Variants in RC3H1 observed in about 807,000 individuals in gnomAD.
RC3H1 encodes the protein ring finger and CCCH-type domains 1.
RC3H1 carries 50 observed loss-of-function variants against 138.2 expected under a neutral mutation model. The ratio of observed to expected loss-of-function variants is 0.36; its 90% confidence interval spans 0.29 to 0.46. The LOEUF is 0.46. Ranked by LOEUF, RC3H1 falls within the 20% of genes least tolerant of loss-of-function variation. The probability of loss-of-function intolerance (pLI) is 1.00; values close to 1 mark genes in which losing one functional copy is unlikely to be tolerated. For missense variants in RC3H1, 1,031 were observed against 1,388.1 expected, an observed-to-expected ratio of 0.74 and a Z score of 4.09; for synonymous variants, 462 against 489.1, an observed-to-expected ratio of 0.94 and a Z score of 0.73.
chr1:173,947,240 T>G (rs1254203438), intron 15 of RC3H1, 129 bp downstream of exon 15: 2 of 667,248 alleles, frequency 3.0e-6, no homozygotes, highest in Non-Finnish European at 5.2e-6. Context: ...CAGGGATGAT[T>G]CCATGGAAAG....
Position 173,943,597 on chromosome 1 carries a change from C to T in RC3H1, c.2980G>A (p.Val994Met), listed in dbSNP as rs1659004192. 6.2e-7 allele frequency: 1 copy of T among 1,613,150 alleles called. No individual in the cohort carries two copies. Among genetic ancestry groups the T allele is most frequent in the South Asian group, 1.1e-5 (1 of 90,892 alleles). ...AGGGTGTTTGCCTCCCTCTGCAACA[C>T]CAGCCTGTTACTAACAGCCTAGTGC... ...RGLEAVSNRL[V>M]LQREANTLAG... Residue 994 changes from valine to methionine, a missense_variant, in exon 18 of 20, where the codon GTG (valine) becomes ATG (methionine). Val to Met is a conservative substitution (Grantham distance 21, BLOSUM62 1). Coordinates refer to ENST00000367696, the MANE Select transcript of RC3H1 (RefSeq NM_172071.4).
chr1:173,956,816 T>A (rs1449296529), intron 13 of RC3H1, among the ~76,000 whole-genome samples: 6 of 152,138 alleles, frequency 3.9e-5, no homozygotes, highest in Non-Finnish European at 8.8e-5. Context: ...AATAAATGGT[T>A]ATAGAAAATG....
At chr1:173,993,634 C>T (rs1488606466) in intron 1 of RC3H1, among the ~76,000 whole-genome samples, 1 of 151,948 alleles carries the variant, frequency 6.6e-6, no homozygotes, top group Admixed American at 6.5e-5. Flanking sequence ...CTCAGATGAT[C>T]CTCCCGCCTT....
At position 173,957,401 on chromosome 1, in the gene RC3H1, C is replaced by T. The variant is rs1266809647; in HGVS notation, c.2370+3676G>A. On this transcript the variant is annotated intron_variant, in intron 13 of 19. Transcript: ENST00000367696. ...TCACACAGTGAAGGACACAACTGAA[C>T]CTCAAAGTTTAGAATGTTTGATACC... 2.6e-5 allele frequency among the ~76,000 whole-genome samples: 4 copies of T among 152,278 alleles called. No individual in the cohort carries two copies. The South Asian group carries it at 6.2e-4, about 24-fold the overall frequency.
chr1:173,960,995 C>A, intron 13 of RC3H1, 82 bp downstream of exon 13: 1 of 1,356,618 alleles, frequency 7.4e-7, no homozygotes, highest in Non-Finnish European at 1.0e-6. Flanking sequence ...AATCTTCACA[C>A]CATTGGGAAT....
chr1:173,984,398 G>A (rs544053733), intron 3 of RC3H1, 101 bp downstream of exon 3: 602 of 1,088,472 alleles, frequency 5.5e-4, no homozygotes, highest in Middle Eastern at 7.5e-4. Context: ...TTTACCTCTA[G>A]TTAGGTTTTT....
intron 13 of RC3H1, among the ~76,000 whole-genome samples, chr1:173,959,848 G>C (rs1480373167): frequency 6.6e-6 from 1 of 152,044 alleles, no homozygotes; most frequent in Non-Finnish European, 1.5e-5. Flanking sequence ...TCTCATGCCT[G>C]TAATCCCAAC....
chr1:174,020,434 G>T (rs1330559402), intron 1 of RC3H1, among the ~76,000 whole-genome samples: 1 of 152,142 alleles, frequency 6.6e-6, no homozygotes, highest in African/African-American at 2.4e-5. Flanking sequence ...TGCTTATAAT[G>T]TTTTTAATTA....
chr1:173,996,605 T>C (rs1207927985), intron 1 of RC3H1, among the ~76,000 whole-genome samples: 2 of 152,190 alleles, frequency 1.3e-5, no homozygotes, highest in Admixed American at 6.5e-5. Context: ...GAGTGAACTT[T>C]CCTCGTTACC....
Position 173,952,014 on chromosome 1 carries a change from A to ACATCTTTGGGTTTTG in RC3H1, c.2480_2494dup (p.Ala827_Asp831dup), listed in dbSNP as rs1298256825. 2 of 1,608,744 alleles carry ACATCTTTGGGTTTTG rather than the reference A, an allele frequency of 1.2e-6. No homozygotes were observed. Among genetic ancestry groups the ACATCTTTGGGTTTTG allele is most frequent in the Non-Finnish European group, 1.7e-6 (2 of 1,177,334 alleles). On this transcript the variant is annotated inframe_insertion, in exon 14 of 20. Transcript: ENST00000367696. ...CATTTCCACACTCCCTGCTGCCACA[A>ACATCTTTGGGTTTTG]CATCTTTGGGTTTTGCATCTTTGGT...
chr1:173,993,104 A>C lies in RC3H1; in HGVS notation c.-119T>G. ...TTTTTTTTTTTTAAATATCTTCTGT[A>C]GATACAGTCAGCACATAGTGTGAAA... On this transcript the variant is annotated 5_prime_UTR_variant, in exon 2 of 20. Coordinates refer to ENST00000367696, the MANE Select transcript of RC3H1 (RefSeq NM_172071.4). 1.4e-6 allele frequency: 1 copy of C among 694,992 alleles called. No individual in the cohort carries two copies. Among genetic ancestry groups the C allele is most frequent in the Non-Finnish European group, 2.4e-6 (1 of 409,712 alleles). 43.1% of individuals were successfully genotyped at this position (694,992 alleles called of 1,614,324 possible). A position where few individuals can be genotyped will look rare whatever the true frequency, so the allele number is the denominator to read the frequency against.
Position 173,936,537 on chromosome 1 carries a change from A to G in RC3H1, c.*2184T>C, listed in dbSNP as rs1330353705. On this transcript the variant is annotated 3_prime_UTR_variant, in exon 20 of 20. Coordinates refer to ENST00000367696, the MANE Select transcript of RC3H1 (RefSeq NM_172071.4). Reference sequence around the variant, plus strand: ...TCCAAAAAAAAAAAAAAAAAAAAAAAAAGAAGGTTGGAGGCCAATAATGTT... The same window carrying G: ...TCCAAAAAAAAAAAAAAAAAAAAAAGAAGAAGGTTGGAGGCCAATAATGTT... 1 of 148,316 alleles carries G rather than the reference A, an allele frequency of 6.7e-6. No homozygotes were observed. Among genetic ancestry groups the G allele is most frequent in the Non-Finnish European group, 1.5e-5 (1 of 67,190 alleles). The allele number at this position is 148,316 out of a possible 1,614,324, so 9.2% of individuals were successfully genotyped here.
chr1:173,962,524 C>T (rs1038173144), intron 11 of RC3H1, among the ~76,000 whole-genome samples: 3 of 152,198 alleles, frequency 2.0e-5, no homozygotes, highest in African/African-American at 7.2e-5. Context: ...AGATTAGTAG[C>T]TACTGCTTGG....
Position 173,947,525 on chromosome 1 carries a change from C to T in RC3H1, c.2581G>A (p.Glu861Lys), listed in dbSNP as rs1251645892. The change falls in exon 15 of 20, where the codon GAA (glutamate) becomes AAA (lysine). Residue 861 changes from glutamate (E) to lysine (K), a missense_variant. Glu to Lys is a moderately conservative substitution (Grantham distance 56). Transcript: ENST00000367696. ...QRLDLQRRAA[E>K]TSDDDLIPFG... ...GGGATGAGGTCATCATCACTGGTTT[C>T]TGCTGCTCTTCTCTGAAGATCTAAT... The T allele has an allele frequency of 6.2e-7, 1 of 1,614,098 alleles. No individual in the cohort carries two copies. Among genetic ancestry groups the T allele is most frequent in the Non-Finnish European group, 8.5e-7 (1 of 1,180,020 alleles).
chr1:174,008,027 A>G (rs778636067), intron 1 of RC3H1, among the ~76,000 whole-genome samples: 1 of 152,196 alleles, frequency 6.6e-6, no homozygotes, highest in Non-Finnish European at 1.5e-5. Flanking sequence ...TGTGTCACAC[A>G]CTAATAGTCT....
chr1:173,961,996 G>A lies in RC3H1; in HGVS notation c.1931C>T (p.Pro644Leu), dbSNP rs1659905802. The change falls in exon 12 of 20, where the codon CCC becomes CTC. Residue 644 changes from proline to leucine, a missense_variant. By Grantham distance (98) the Pro-to-Leu change is moderately conservative. This residue lies in a region of RC3H1 where 716 missense variants were observed against 837.9 expected (regional missense o/e 0.85). Transcript: ENST00000367696. Reference sequence around the variant, plus strand: ...GTTTACAACACGTTCTTGGAGGTAGGGTGGATAATGATCCAAGTAGGGAGG... The same window carrying A: ...GTTTACAACACGTTCTTGGAGGTAGAGTGGATAATGATCCAAGTAGGGAGG... ...PAPPYLDHYP[P>L]YLQERVVNSQ... 1.2e-6 allele frequency: 2 copies of A among 1,614,104 alleles called. No individual in the cohort carries two copies. The highest frequency in any genetic ancestry group is 2.2e-5 in the South Asian group (2 of 91,074).
rs1299468859 is a variant in RC3H1 at position 173,934,202 on chromosome 1, C to G, written c.*4519G>C. The stretch of plus-strand genomic sequence containing the variant: ...TGAATACTTCTTTACTGAGACGAAT[C>G]CTTTTTTTTAGTGAAAGTATTTTGT... On this transcript the variant is annotated 3_prime_UTR_variant, in exon 20 of 20. Coordinates refer to ENST00000367696, the MANE Select transcript of RC3H1 (RefSeq NM_172071.4). The G allele has an allele frequency of 9.9e-5, 15 of 152,038 alleles. No individual in the cohort carries two copies. The highest frequency in any genetic ancestry group is 2.2e-4 in the Non-Finnish European group (15 of 67,976). The allele number at this position is 152,038 out of a possible 1,614,324, so 9.4% of individuals were successfully genotyped here. A position where few individuals can be genotyped will look rare whatever the true frequency, so the allele number is the denominator to read the frequency against.
chr1:173,967,645 A>T (rs1660179546), intron 9 of RC3H1, among the ~76,000 whole-genome samples: 1 of 152,186 alleles, frequency 6.6e-6, no homozygotes, highest in Non-Finnish European at 1.5e-5. Flanking sequence ...TATGTTTATG[A>T]TCCATAAATC....
intron 3 of RC3H1, 106 bp downstream of exon 3, chr1:173,984,393 C>T (rs2103015798): frequency 9.9e-7 from 1 of 1,010,590 alleles, no homozygotes; most frequent in South Asian, 2.1e-5. Context: ...TCAAATTTAC[C>T]TCTAGTTAGG....
Sources: gnomAD v4.1 joint callset for allele counts (sites outside exome capture counted in the v4.1 genomes callset) on GRCh38, gnomAD v4.1.1 for gene constraint, gnomAD v4.1.1 regional missense constraint, MANE v1.5 for transcripts, NCBI Gene and HGNC (gene_info 2026-07-23, HGNC 2026-07-21) for gene names.